The following BTG2 variants were observed in gnomAD, a reference collection of about 807,000 sequenced individuals.
BTG2 encodes the protein protein BTG2.
Under a neutral mutation model 13.1 loss-of-function variants are expected in BTG2, and 9 were observed. The observed-to-expected ratio is 0.69, with a 90% CI of 0.41 to 1.20. BTG2 has a LOEUF of 1.20. Ranked by LOEUF, BTG2 falls within the 50% of genes most tolerant of loss-of-function variation. BTG2 has a pLI of 0.00. For synonymous variants in BTG2, 92 were observed against 88.6 expected, an observed-to-expected ratio of 1.04 and a Z score of -0.21; for missense variants, 200 against 209.5, an observed-to-expected ratio of 0.95 and a Z score of 0.28.
chr1:203,306,318 G>T (rs1658272064), intron 1 of BTG2, among the ~76,000 whole-genome samples: 1 of 152,190 alleles, frequency 6.6e-6, no homozygotes, highest in African/African-American at 2.4e-5. Flanking sequence ...ATTGTGGTAG[G>T]GAGGAGAGCC....
At chr1:203,306,800 G>GCACACACA (rs34485564) in intron 1 of BTG2, among the ~76,000 whole-genome samples, 116 of 142,888 alleles carry the variant, frequency 8.1e-4, no homozygotes, top group Admixed American at 1.7e-3. Context: ...CTCCCAACAC[G>GCACACACA]CACACACACA....
Position 203,307,558 on chromosome 1 carries a change from T to G in BTG2, c.*120T>G, listed in dbSNP as rs912533319. On this transcript the variant is annotated 3_prime_UTR_variant, in exon 2 of 2. Coordinates refer to ENST00000290551, the MANE Select transcript of BTG2 (RefSeq NM_006763.3). ...AAGAGCTATTTATATATATTATTTT[T>G]TTTTAAGAAAGGAGGAAAAGAAACC... The G allele has an allele frequency of 3.7e-6, 3 of 802,730 alleles. No individual in the cohort carries two copies. The highest frequency in any genetic ancestry group is 5.1e-6 in the Non-Finnish European group (3 of 585,280). The allele number at this position is 802,730 out of a possible 1,614,324, so 49.7% of individuals were successfully genotyped here. A position where few individuals can be genotyped will look rare whatever the true frequency, so the allele number is the denominator to read the frequency against.
chr1:203,306,576 T>C (rs745998071), intron 1 of BTG2, among the ~76,000 whole-genome samples: 1 of 152,060 alleles, frequency 6.6e-6, no homozygotes, highest in South Asian at 2.1e-4. Context: ...CTGACTCTTC[T>C]GAAGGAAGCA....
rs1166142148 is a variant in BTG2 at position 203,308,766 on chromosome 1, G to T, written c.*1328G>T. The T allele has an allele frequency of 6.5e-6, 1 of 152,686 alleles. No individual in the cohort carries two copies. Among genetic ancestry groups the T allele is most frequent in the Non-Finnish European group, 1.5e-5 (1 of 68,056 alleles). 9.5% of individuals were successfully genotyped at this position (152,686 alleles called of 1,614,324 possible). Reference sequence around the variant, plus strand: ...GGTGCTCAGAGCACCTGTGGGAAAGGTTGCTGTCTGTCTCAGTACAATCCA... The same window carrying T: ...GGTGCTCAGAGCACCTGTGGGAAAGTTTGCTGTCTGTCTCAGTACAATCCA... On this transcript the variant is annotated 3_prime_UTR_variant, in exon 2 of 2. Coordinates refer to ENST00000290551, the MANE Select transcript of BTG2 (RefSeq NM_006763.3).
At position 203,307,190 on chromosome 1, in the gene BTG2, A is replaced by C. The variant is rs1272895939; in HGVS notation, c.229A>C (p.Ile77Leu). The C allele has an allele frequency of 6.2e-7, 1 of 1,614,260 alleles. No homozygotes were observed. Among genetic ancestry groups the C allele is most frequent in the South Asian group, 1.1e-5 (1 of 91,088 alleles). ...CIRINHKMDP[I>L]ISRVASQIGL... ...TCGCATCAACCACAAGATGGACCCC[A>C]TCATCAGCAGGGTGGCCAGCCAGAT... The change falls in exon 2 of 2, where the codon ATC becomes CTC. Residue 77 changes from isoleucine (I) to leucine (L), a missense_variant. Ile to Leu is a conservative substitution (Grantham distance 5). Transcript: ENST00000290551.
intron 1 of BTG2, among the ~76,000 whole-genome samples, chr1:203,306,302 C>T (rs1658270871): frequency 6.6e-6 from 1 of 152,242 alleles, no homozygotes; most frequent in African/African-American, 2.4e-5. Flanking sequence ...TAGCCATCTG[C>T]CACCTATTGT....
Position 203,305,590 on chromosome 1 carries a change from C to T in BTG2, c.-17C>T. 2 of 1,600,030 alleles carry T rather than the reference C, an allele frequency of 1.2e-6. No homozygotes were observed. Among genetic ancestry groups the T allele is most frequent in the East Asian group, 2.3e-5 (1 of 43,954 alleles). On this transcript the variant is annotated 5_prime_UTR_variant, in exon 1 of 2. Transcript: ENST00000290551. ...TTCCCACCCGAGACCTCTCACTGAG[C>T]CCGAGCCGCGCGCGACATGAGCCAC...
intron 1 of BTG2, 115 bp downstream of exon 1, chr1:203,305,863 T>A: frequency 7.2e-7 from 1 of 1,396,472 alleles, no homozygotes; most frequent in South Asian, 1.4e-5. Flanking sequence ...TGGGACTCGG[T>A]GGCCCTCCTC....
rs776081022 is a variant in BTG2, at chr1:203,307,460, G to C, written c.*22G>C. The C allele has an allele frequency of 1.3e-6, 2 of 1,546,832 alleles. No individual in the cohort carries two copies. Among genetic ancestry groups the C allele is most frequent in the Admixed American group, 1.9e-5 (1 of 53,416 alleles). On this transcript the variant is annotated 3_prime_UTR_variant, in exon 2 of 2. Transcript: ENST00000290551. The stretch of plus-strand genomic sequence containing the variant: ...CTAGGCCCTTCCGCCCCCGCCCTGG[G>C]CGCCGCCGTGCTCATGCTGCCGTGA...
intron 1 of BTG2, among the ~76,000 whole-genome samples, chr1:203,306,798 A>ACG (rs1553281843): frequency 3.7e-5 from 4 of 107,754 alleles, no homozygotes; most frequent in African/African-American, 1.1e-4. Context: ...CCCTCCCAAC[A>ACG]CGCACACACA....
chr1:203,307,578 G>C lies in BTG2; in HGVS notation c.*140G>C. 1.4e-6 allele frequency: 1 copy of C among 701,096 alleles called. No individual in the cohort carries two copies. The highest frequency in any genetic ancestry group is 2.0e-6 in the Non-Finnish European group (1 of 492,946). The allele number at this position is 701,096 out of a possible 1,614,324, so 43.4% of individuals were successfully genotyped here. Reference sequence around the variant, plus strand: ...ATTTTTTTTTAAGAAAGGAGGAAAAGAAACCAAAAGTTTTTTTTAAGAAAA... The same window carrying C: ...ATTTTTTTTTAAGAAAGGAGGAAAACAAACCAAAAGTTTTTTTTAAGAAAA... On this transcript the variant is annotated 3_prime_UTR_variant, in exon 2 of 2. Coordinates refer to ENST00000290551, the MANE Select transcript of BTG2 (RefSeq NM_006763.3).
rs543820952 is a variant in BTG2, at chr1:203,308,247, T to G, written c.*809T>G. 6.5e-6 allele frequency: 1 copy of G among 152,712 alleles called. No individual in the cohort carries two copies. The highest frequency in any genetic ancestry group is 2.4e-5 in the African/African-American group (1 of 41,540). The allele number at this position is 152,712 out of a possible 1,614,324, so 9.5% of individuals were successfully genotyped here. On this transcript the variant is annotated 3_prime_UTR_variant, in exon 2 of 2. Coordinates refer to ENST00000290551, the MANE Select transcript of BTG2 (RefSeq NM_006763.3). The stretch of plus-strand genomic sequence containing the variant: ...ATTTGGGGGTGATTTGCAATGAAAT[T>G]TTGGGACCCAAAGAGTATCCACTGG...
Position 203,307,415 on chromosome 1 carries a change from T to A in BTG2, c.454T>A (p.Tyr152Asn). 1 of 1,596,188 alleles carries A rather than the reference T, an allele frequency of 6.3e-7. No individual in the cohort carries two copies. The change falls in exon 2 of 2, where the codon TAC becomes AAC. Residue 152 changes from tyrosine to asparagine, a missense_variant. Tyr to Asn is a moderately radical substitution (Grantham distance 143). Coordinates refer to ENST00000290551, the MANE Select transcript of BTG2 (RefSeq NM_006763.3). ...GGGCCGGAGCAGCCCCTCCAAGAACTACGTGATGGCAGTCTCCAGCTAGGC... is the reference window on the plus strand; with the variant it reads ...GGGCCGGAGCAGCCCCTCCAAGAACAACGTGATGGCAGTCTCCAGCTAGGC... ...LLGRSSPSKN[Y>N]VMAVSS
rs769970472 is a variant in BTG2, at chr1:203,307,446, CG to C, written c.*9del. The C allele has an allele frequency of 6.4e-6, 10 of 1,563,130 alleles. No homozygotes were observed. The highest frequency in any genetic ancestry group is 7.8e-6 in the Non-Finnish European group (9 of 1,150,442). On this transcript the variant is annotated 3_prime_UTR_variant, in exon 2 of 2. Transcript: ENST00000290551. ...ATGGCAGTCTCCAGCTAGGCCCTTC[CG>C]CCCCCGCCCTGGGCGCCGCCGTGCT...
rs1411600226 is a variant in BTG2 at position 203,307,589 on chromosome 1, T to A, written c.*151T>A. On this transcript the variant is annotated 3_prime_UTR_variant, in exon 2 of 2. Coordinates refer to ENST00000290551, the MANE Select transcript of BTG2 (RefSeq NM_006763.3). ...AGAAAGGAGGAAAAGAAACCAAAAG[T>A]TTTTTTTAAGAAAAAAAATCCTTCA... 14 of 627,428 alleles carry A rather than the reference T, an allele frequency of 2.2e-5. No individual in the cohort carries two copies. Among genetic ancestry groups the A allele is most frequent in the Non-Finnish European group, 1.2e-5 (5 of 426,944 alleles). 38.9% of individuals were successfully genotyped at this position (627,428 alleles called of 1,614,324 possible).
At position 203,308,769 on chromosome 1, in the gene BTG2, G is replaced by A. The variant is rs538887336; in HGVS notation, c.*1331G>A. On this transcript the variant is annotated 3_prime_UTR_variant, in exon 2 of 2. Coordinates refer to ENST00000290551, the MANE Select transcript of BTG2 (RefSeq NM_006763.3). Reference sequence around the variant, plus strand: ...GCTCAGAGCACCTGTGGGAAAGGTTGCTGTCTGTCTCAGTACAATCCAAAT... The same window carrying A: ...GCTCAGAGCACCTGTGGGAAAGGTTACTGTCTGTCTCAGTACAATCCAAAT... 3 of 152,652 alleles carry A rather than the reference G, an allele frequency of 2.0e-5. No individual in the cohort carries two copies. The highest frequency in any genetic ancestry group is 4.4e-5 in the Non-Finnish European group (3 of 68,054). 9.5% of individuals were successfully genotyped at this position (152,652 alleles called of 1,614,324 possible).
In BTG2 at chr1:203,307,369, C is replaced by T. The variant is rs372912125; in HGVS notation, c.408C>T (p.Thr136=). ...TGGCCGCCTCCTGTGGGCTCCTCAC[C>T]TGCAAGAACCAAGTGCTGCTGGGCC... ...APLAASCGLL[T]CKNQVLLGRS... The change falls in exon 2 of 2, where the codon ACC becomes ACT. Residue 136 remains threonine, a synonymous_variant. Transcript: ENST00000290551. The T allele has an allele frequency of 4.6e-4, 739 of 1,612,192 alleles. 1 individual carries two copies. Among genetic ancestry groups the T allele is most frequent in the Non-Finnish European group, 5.7e-4 (674 of 1,178,534 alleles).
intron 1 of BTG2, among the ~76,000 whole-genome samples, chr1:203,306,353 G>C (rs866324875): frequency 6.6e-6 from 1 of 152,086 alleles, no homozygotes; most frequent in Non-Finnish European, 1.5e-5. Flanking sequence ...CCTGCCGTGC[G>C]GGCCTTCAAG....
At position 203,307,343 on chromosome 1, in the gene BTG2, C is replaced by A. The variant is rs1264191318; in HGVS notation, c.382C>A (p.Leu128Met). 2 of 1,613,820 alleles carry A rather than the reference C, an allele frequency of 1.2e-6. No individual in the cohort carries two copies. Among genetic ancestry groups the A allele is most frequent in the Admixed American group, 1.7e-5 (1 of 60,012 alleles). The part of the protein sequence containing the change: ...SICVLYEEAP[L>M]AASCGLLTCK... The stretch of plus-strand genomic sequence containing the variant: ...CTGCGTCTTGTACGAGGAGGCCCCA[C>A]TGGCCGCCTCCTGTGGGCTCCTCAC... Residue 128 changes from leucine (L) to methionine (M), a missense_variant, in exon 2 of 2, where the codon CTG (leucine) becomes ATG (methionine). Leu to Met is a conservative substitution (Grantham distance 15, BLOSUM62 2). Coordinates refer to ENST00000290551, the MANE Select transcript of BTG2 (RefSeq NM_006763.3).
Sources: gnomAD v4.1 joint callset for allele counts (sites outside exome capture counted in the v4.1 genomes callset) on GRCh38, gnomAD v4.1.1 for gene constraint, MANE v1.5 for transcripts, NCBI Gene and HGNC (gene_info 2026-07-23, HGNC 2026-07-21) for gene names.